The following CACNG2 variants were observed in gnomAD, a reference collection of about 807,000 sequenced individuals.
The protein encoded by CACNG2 is voltage-dependent calcium channel gamma-2 subunit.
In CACNG2, 3 loss-of-function variants were observed where a neutral mutation model predicts 25.9. The observed-to-expected ratio is 0.12, with a 90% CI of 0.05 to 0.30. The LOEUF is 0.30. Among genes scored for constraint, CACNG2 ranks in the 10% least tolerant of loss-of-function variants. CACNG2 has a pLI of 1.00. For missense variants in CACNG2, 341 were observed against 432.5 expected, an observed-to-expected ratio of 0.79 and a Z score of 1.88; for synonymous variants, 167 against 173.3, an observed-to-expected ratio of 0.96 and a Z score of 0.29.
intron 1 of CACNG2, among the ~76,000 whole-genome samples, chr22:36,656,355 C>T (rs193267017): frequency 4.3e-4 from 65 of 152,246 alleles, no homozygotes; most frequent in African/African-American, 1.3e-3. Context: ...GGCCTACAAA[C>T]GCAGGCTCAT....
intron 1 of CACNG2, among the ~76,000 whole-genome samples, chr22:36,689,384 C>T (rs554299530): frequency 2.0e-5 from 3 of 152,140 alleles, no homozygotes; most frequent in South Asian, 2.1e-4. Context: ...ATTCAGAGAA[C>T]GTAAAATCCA....
chr22:36,634,227 T>C (rs995108926), intron 1 of CACNG2, among the ~76,000 whole-genome samples: 8 of 152,198 alleles, frequency 5.3e-5, no homozygotes, highest in African/African-American at 1.9e-4. Flanking sequence ...CAAGCTTCCT[T>C]TTGGTTAGGT....
chr22:36,671,946 T>C (rs1184040867), intron 1 of CACNG2, among the ~76,000 whole-genome samples: 1 of 152,046 alleles, frequency 6.6e-6, no homozygotes, highest in African/African-American at 2.4e-5. Flanking sequence ...GGTTAGAGAT[T>C]AGGACTGAGG....
chr22:36,625,712 G>A (rs1032433427), intron 1 of CACNG2, among the ~76,000 whole-genome samples: 16 of 152,150 alleles, frequency 1.1e-4, no homozygotes, highest in African/African-American at 3.9e-4. Context: ...TTTAACTACA[G>A]TTTAAAAAAA....
chr22:36,598,357 C>T (rs1323830555), intron 1 of CACNG2, among the ~76,000 whole-genome samples: 1 of 152,206 alleles, frequency 6.6e-6, no homozygotes, highest in Non-Finnish European at 1.5e-5. Context: ...GTGGTTCATG[C>T]CTATAATCCC....
chr22:36,649,320 C>T (rs1351317220), intron 1 of CACNG2, among the ~76,000 whole-genome samples: 1 of 152,092 alleles, frequency 6.6e-6, no homozygotes. Context: ...GAGACGGAGT[C>T]TCACTCTGTC....
At chr22:36,660,024 A>G (rs1474045638) in intron 1 of CACNG2, among the ~76,000 whole-genome samples, 1 of 152,134 alleles carries the variant, frequency 6.6e-6, no homozygotes, top group African/African-American at 2.4e-5. Flanking sequence ...GCAGATGGGG[A>G]CAATCCCCCC....
At chr22:36,698,515 G>A (rs1011813336) in intron 1 of CACNG2, among the ~76,000 whole-genome samples, 4 of 152,160 alleles carry the variant, frequency 2.6e-5, no homozygotes, top group Admixed American at 2.0e-4. Context: ...GCTGAGCCGA[G>A]CGTGGAGCAC....
chr22:36,572,511 G>A (rs978569714), intron 2 of CACNG2, among the ~76,000 whole-genome samples: 3 of 152,178 alleles, frequency 2.0e-5, no homozygotes, highest in Non-Finnish European at 2.9e-5. Flanking sequence ...AGACCAGCAT[G>A]GCCAATATGG....
intron 1 of CACNG2, among the ~76,000 whole-genome samples, chr22:36,616,509 G>C (rs970827361): frequency 1.3e-5 from 2 of 152,296 alleles, no homozygotes; most frequent in South Asian, 4.1e-4. Context: ...CCCAGCGAGA[G>C]TGTAAGTTCC....
At chr22:36,689,962 C>T (rs936755953) in intron 1 of CACNG2, among the ~76,000 whole-genome samples, 19 of 152,242 alleles carry the variant, frequency 1.2e-4, no homozygotes, top group African/African-American at 4.6e-4. Context: ...GCTAGCCTTC[C>T]ACCTGAATCT....
intron 2 of CACNG2, among the ~76,000 whole-genome samples, chr22:36,587,204 C>A (rs986269235): frequency 6.6e-6 from 1 of 152,056 alleles, no homozygotes; most frequent in Middle Eastern, 3.2e-3. Context: ...GAAGGACTTC[C>A]TGGAGAAGGT....
chr22:36,665,033 G>A (rs1936856009), intron 1 of CACNG2, among the ~76,000 whole-genome samples: 1 of 152,182 alleles, frequency 6.6e-6, no homozygotes, highest in Admixed American at 6.5e-5. Flanking sequence ...TCAGGATGGA[G>A]GAGAGAGGCT....
intron 1 of CACNG2, among the ~76,000 whole-genome samples, chr22:36,599,677 G>A (rs1935725844): frequency 6.6e-6 from 1 of 152,112 alleles, no homozygotes; most frequent in Non-Finnish European, 1.5e-5. Context: ...TCCAGTTTGT[G>A]TGACAGAGGA....
At chr22:36,674,902 T>C (rs995456486) in intron 1 of CACNG2, among the ~76,000 whole-genome samples, 22 of 152,190 alleles carry the variant, frequency 1.4e-4, no homozygotes, top group African/African-American at 4.1e-4. Flanking sequence ...GTAAAGTAAG[T>C]TTGATTATAG....
At chr22:36,652,296 C>T (rs1355911992) in intron 1 of CACNG2, among the ~76,000 whole-genome samples, 2 of 152,148 alleles carry the variant, frequency 1.3e-5, no homozygotes, top group African/African-American at 2.4e-5. Context: ...TGTGTTCCCC[C>T]GCCATTCCCC....
chr22:36,618,868 C>G (rs866519053), intron 1 of CACNG2, among the ~76,000 whole-genome samples: 1 of 151,894 alleles, frequency 6.6e-6, no homozygotes, highest in African/African-American at 2.4e-5. Context: ...TGCAGTGAGC[C>G]GAGATGGCAC....
chr22:36,690,208 G>C (rs2858759), intron 1 of CACNG2, among the ~76,000 whole-genome samples: 1 of 152,190 alleles, frequency 6.6e-6, no homozygotes. Flanking sequence ...CGGTGGAGCG[G>C]AGCAGCCATG....
chr22:36,694,092 G>A (rs118145459), intron 1 of CACNG2, among the ~76,000 whole-genome samples: 3 of 152,234 alleles, frequency 2.0e-5, no homozygotes, highest in Admixed American at 6.5e-5. Context: ...CCTGAGTCAC[G>A]GGGCAGGCAC....
Sources: allele counts gnomAD v4.1 joint callset (sites outside exome capture counted in the v4.1 genomes callset), GRCh38; gene constraint gnomAD v4.1.1; transcripts MANE v1.5; gene names NCBI Gene and HGNC (gene_info 2026-07-23, HGNC 2026-07-21).